The following CFAP46 variants were observed in gnomAD, a reference collection of about 807,000 sequenced individuals.
CFAP46 encodes cilia- and flagella-associated protein 46.
In CFAP46, 245 loss-of-function variants were observed where a neutral mutation model predicts 325.7. That is an observed-to-expected ratio of 0.75 (90% confidence interval 0.68 to 0.84). The LOEUF (loss-of-function observed/expected upper bound fraction) is 0.84, where lower values mean the gene tolerates loss of function less well. Among genes scored for constraint, CFAP46 ranks in the 40% least tolerant of loss-of-function variants. CFAP46 has a pLI of 0.00. For missense variants in CFAP46, 3,346 were observed against 3,543.0 expected (o/e 0.94, Z 1.41); for synonymous variants, 1,523 against 1,495.9 (o/e 1.02, Z -0.42).
chr10:132,810,879 G>A, intron 56 of CFAP46, 71 bp downstream of exon 56: 4 of 1,409,166 alleles, frequency 2.8e-6, no homozygotes, highest in Non-Finnish European at 3.9e-6. Context: ...CTCCCTTGTG[G>A]GTCCCACGCC....
chr10:132,924,868 G>C lies in CFAP46; in HGVS notation c.1084C>G (p.Gln362Glu). 1 of 1,397,404 alleles carries C rather than the reference G, an allele frequency of 7.2e-7. No individual in the cohort carries two copies. Among genetic ancestry groups the C allele is most frequent in the African/African-American group, 1.5e-5 (1 of 66,218 alleles). 86.6% of individuals were successfully genotyped at this position (1,397,404 alleles called of 1,614,324 possible). ...AAVEAQLDII[Q>E]RLDVALQRAV... ...CGCTGCAGCGCGACGTCTAGCCTCT[G>C]TATGATATCCAGCTGGGCCTGCGGA... The change falls in exon 11 of 58, where the codon CAG becomes GAG. Residue 362 changes from glutamine (Q) to glutamate (E), a missense_variant. Physicochemically the swap from Gln to Glu is conservative, Grantham distance 29. Transcript: ENST00000368586.
At chr10:132,820,944 T>A (rs1374123878) in intron 50 of CFAP46, among the ~76,000 whole-genome samples, 1 of 103,974 alleles carries the variant, frequency 9.6e-6, no homozygotes. Context: ...CGCTGATGTG[T>A]GCTGTGTGTG....
In CFAP46 at chr10:132,922,666, C is replaced by T. The variant is rs1363765934; in HGVS notation, c.1299G>A (p.Ala433=). Residue 433 remains alanine (A), a synonymous_variant, in exon 12 of 58, where the codon GCG becomes GCA. Coordinates refer to ENST00000368586, the MANE Select transcript of CFAP46 (RefSeq NM_001200049.3). ...GCCGGTCCTCGTCCTCCTCGATCTG[C>T]GCCATCTCCATGTGCACTTGACAGC... ...LLRCQVHMEM[A]QIEEDEDRLE... is the part of the protein sequence containing the mutation. 3.7e-5 allele frequency: 57 copies of T among 1,549,842 alleles called. 1 individual carries two copies. Among genetic ancestry groups the T allele is most frequent in the Admixed American group, 1.4e-4 (7 of 50,988 alleles).
chr10:132,924,652 C>T lies in CFAP46; in HGVS notation c.1256+44G>A, dbSNP rs75729732. 1,763 of 1,412,108 alleles carry T rather than the reference C, an allele frequency of 1.2e-3. 16 individuals carry two copies. In the African/African-American group the frequency reaches 0.022, roughly 18 times the overall value. The allele number at this position is 1,412,108 out of a possible 1,614,324, so 87.5% of individuals were successfully genotyped here. A position where few individuals can be genotyped will look rare whatever the true frequency, so the allele number is the denominator to read the frequency against. Reference sequence around the variant, plus strand: ...TTCTCCTCCTCTGTCTCCTCCTATGCGCCACGCCCTCTGTGGAGGACACAG... The same window carrying T: ...TTCTCCTCCTCTGTCTCCTCCTATGTGCCACGCCCTCTGTGGAGGACACAG... On this transcript the variant is annotated intron_variant, in intron 11 of 57. Coordinates refer to ENST00000368586, the MANE Select transcript of CFAP46 (RefSeq NM_001200049.3).
intron 8 of CFAP46, among the ~76,000 whole-genome samples, chr10:132,930,659 A>C (rs535250610): frequency 1.8e-4 from 7 of 38,108 alleles, no homozygotes; most frequent in Admixed American, 3.4e-4. Context: ...GCCTCCCCAC[A>C]CTCCCCACGC....
chr10:132,860,866 G>A lies in CFAP46; in HGVS notation c.5007C>T (p.Gly1669=), dbSNP rs936478339. ...AATTGTACCAGAACTCCTCACTTCC[G>A]CCCAGGTGCTGGGCCTGTGCGATCA... ...KKMIAQAQHL[G]GSEEFWYNST... Residue 1669 remains glycine (G), a synonymous_variant, in exon 36 of 58, where the codon GGC becomes GGT. Transcript: ENST00000368586. 5.2e-5 allele frequency: 81 copies of A among 1,550,870 alleles called. No homozygotes were observed. In the African/African-American group the frequency reaches 9.6e-4, roughly 18 times the overall value.
chr10:132,808,693 G>A lies in CFAP46; in HGVS notation c.7876C>T (p.Pro2626Ser), dbSNP rs369557621. 27 of 1,571,394 alleles carry A rather than the reference G, an allele frequency of 1.7e-5. No individual in the cohort carries two copies. The highest frequency in any genetic ancestry group is 1.1e-4 in the South Asian group (10 of 87,406). The change falls in exon 58 of 58, where the codon CCC becomes TCC. Residue 2626 changes from proline (P) to serine (S), a missense_variant. By Grantham distance (74) the Pro-to-Ser change is moderately conservative. Coordinates refer to ENST00000368586, the MANE Select transcript of CFAP46 (RefSeq NM_001200049.3). The surrounding 1 kb of genome is among the most constrained non-coding windows in gnomAD (Gnocchi z 6.8). ...PLPTHPHLPA[P>S]IPSSQLALPF... The stretch of plus-strand genomic sequence containing the variant: ...AGAGCGAGCTGGGAGCTGGGGATGG[G>A]AGCCGGGAGGTGGGGATGGGTTGGC...
intron 50 of CFAP46, among the ~76,000 whole-genome samples, chr10:132,821,389 T>C (rs1339158614): frequency 2.3e-4 from 31 of 134,592 alleles, no homozygotes; most frequent in African/African-American, 8.8e-4. Flanking sequence ...TGCACTGATG[T>C]GTGCTGTGTG....
intron 22 of CFAP46, among the ~76,000 whole-genome samples, chr10:132,904,264 C>T (rs1040534595): frequency 3.3e-5 from 5 of 152,238 alleles, no homozygotes; most frequent in Admixed American, 2.0e-4. Flanking sequence ...AGCGAGGTGA[C>T]CACATCATCT....
intron 27 of CFAP46, among the ~76,000 whole-genome samples, chr10:132,881,462 G>A (rs1451845129): frequency 2.6e-5 from 4 of 152,246 alleles, no homozygotes; most frequent in Non-Finnish European, 4.4e-5. Context: ...GGTAGGAAAG[G>A]TGTTTGCCCT....
intron 3 of CFAP46, 86 bp downstream of exon 3, chr10:132,941,504 AT>A: frequency 6.6e-7 from 1 of 1,513,628 alleles, no homozygotes; most frequent in Non-Finnish European, 8.9e-7. Context: ...CCTAAGAACG[AT>A]TTTAAGCCTG....
At chr10:132,937,139 C>A in intron 6 of CFAP46, 84 bp from the exon 7 acceptor site, 1 of 804,300 alleles carries the variant, frequency 1.2e-6, no homozygotes. Context: ...TTTATTTTCT[C>A]ATTAATTTTG....
Position 132,835,351 on chromosome 10 carries a change from T to A in CFAP46, c.6697A>T (p.Thr2233Ser), listed in dbSNP as rs1300751220. 7 of 1,613,610 alleles carry A rather than the reference T, an allele frequency of 4.3e-6. No homozygotes were observed. Among genetic ancestry groups the A allele is most frequent in the East Asian group, 2.2e-5 (1 of 44,878 alleles). Reference protein sequence around the residue: ...LACAQQFRKQTQAQVYSEDMA... With the variant: ...LACAQQFRKQSQAQVYSEDMA... ...TCCTCACTGTACACCTGGGCCTGGGTCTGCTTCCGGAACTGCTGGGCACAG... is the reference window on the plus strand; with the variant it reads ...TCCTCACTGTACACCTGGGCCTGGGACTGCTTCCGGAACTGCTGGGCACAG... Residue 2233 changes from threonine (T) to serine (S), a missense_variant, in exon 47 of 58, where the codon ACC becomes TCC. Thr to Ser is a moderately conservative substitution (Grantham distance 58). Transcript: ENST00000368586.
intron 44 of CFAP46, among the ~76,000 whole-genome samples, chr10:132,838,695 T>C (rs1848305393): frequency 6.6e-6 from 1 of 152,270 alleles, no homozygotes; most frequent in South Asian, 2.1e-4. Context: ...TCATGAGCGA[T>C]GCTGCTCTCT....
At position 132,884,550 on chromosome 10, in the gene CFAP46, C is replaced by T. The variant is rs1378489057; in HGVS notation, c.3627+553G>A. The stretch of plus-strand genomic sequence containing the variant: ...AGATGAAGTTCTCAGGTGCATACCA[C>T]ATGGCCCTTGCCCCTGACAAGCAGA... On this transcript the variant is annotated intron_variant, in intron 27 of 57. Coordinates refer to ENST00000368586, the MANE Select transcript of CFAP46 (RefSeq NM_001200049.3). This position sits in a 1 kb window ranked among gnomAD's most constrained non-coding sequence, Gnocchi z 5.4. 1.3e-5 allele frequency among the ~76,000 whole-genome samples: 2 copies of T among 152,206 alleles called. No homozygotes were observed. Among genetic ancestry groups the T allele is most frequent in the African/African-American group, 4.8e-5 (2 of 41,454 alleles).
At chr10:132,837,674 GAC>G (rs1331066109) in intron 44 of CFAP46, among the ~76,000 whole-genome samples, 12 of 63,502 alleles carry the variant, frequency 1.9e-4, no homozygotes, top group South Asian at 8.9e-4. Flanking sequence ...GACATGCACG[GAC>G]ACACATGCAC....
At chr10:132,833,610 TG>T in intron 49 of CFAP46, 85 bp from the exon 50 acceptor site, 1 of 1,458,868 alleles carries the variant, frequency 6.9e-7, no homozygotes, top group Admixed American at 2.0e-5. Flanking sequence ...CTGACTTGGC[TG>T]CTGGGCGCTG....
intron 44 of CFAP46, among the ~76,000 whole-genome samples, chr10:132,840,035 T>A (rs536084217): frequency 6.6e-6 from 1 of 150,794 alleles, no homozygotes; most frequent in South Asian, 2.1e-4. Flanking sequence ...TTCTATGAGT[T>A]TTCAGAGGTT....
chr10:132,926,554 G>A lies in CFAP46; in HGVS notation c.1065+14C>T, dbSNP rs1564803333. 6.6e-7 allele frequency: 1 copy of A among 1,524,394 alleles called. No homozygotes were observed. 94.4% of individuals were successfully genotyped at this position (1,524,394 alleles called of 1,614,324 possible). ...AAATAATGCCAGGTGTATGACTCCTGCGTAAGGACTGACCTCAACAGCCGC... is the reference window on the plus strand; with the variant it reads ...AAATAATGCCAGGTGTATGACTCCTACGTAAGGACTGACCTCAACAGCCGC... On this transcript the variant is annotated intron_variant, in intron 10 of 57. Transcript: ENST00000368586.
Sources: gnomAD v4.1 joint callset for allele counts (sites outside exome capture counted in the v4.1 genomes callset) on GRCh38, gnomAD v4.1.1 for gene constraint, Gnocchi (gnomAD v3.1) non-coding constraint, MANE v1.5 for transcripts, NCBI Gene and HGNC (gene_info 2026-07-23, HGNC 2026-07-21) for gene names.